SEMA3D: variants seen among roughly 807,000 people sequenced by gnomAD.
SEMA3D encodes the protein semaphorin 3D.
Under a neutral mutation model 100.1 loss-of-function variants are expected in SEMA3D, and 84 were observed. The ratio of observed to expected loss-of-function variants is 0.84; its 90% confidence interval spans 0.70 to 1.01. The LOEUF (loss-of-function observed/expected upper bound fraction) is 1.01. SEMA3D is among the 50% of genes least tolerant of loss of function. The pLI, the probability that SEMA3D is intolerant of heterozygous loss-of-function variation, is 0.00. For synonymous variants in SEMA3D, 312 were observed against 320.7 expected, an observed-to-expected ratio of 0.97 and a Z score of 0.29; for missense variants, 875 against 934.1, an observed-to-expected ratio of 0.94 and a Z score of 0.82.
At chr7:85,066,033 A>T (rs150776416) in intron 7 of SEMA3D, among the ~76,000 whole-genome samples, 29 of 152,352 alleles carry the variant, frequency 1.9e-4, no homozygotes, top group African/African-American at 6.7e-4. Flanking sequence ...GGGAGCTTTC[A>T]GCACTGAAGT....
the SEMA3D span, among the ~76,000 whole-genome samples, chr7:85,224,535 G>C: frequency 2.0e-5 from 3 of 149,124 alleles, no homozygotes; most frequent in African/African-American, 7.8e-5. Flanking sequence ...GTCAAAAAAA[G>C]TTGTGTAAAA....
chr7:85,218,214 A>G, the SEMA3D span, among the ~76,000 whole-genome samples: 2 of 152,098 alleles, frequency 1.3e-5, no homozygotes, highest in Non-Finnish European at 2.9e-5. Context: ...GCAGGAAACT[A>G]TATGGTCTAC....
chr7:85,225,330 CCTCT>C, the SEMA3D span, among the ~76,000 whole-genome samples: 1 of 150,066 alleles, frequency 6.7e-6, no homozygotes, highest in African/African-American at 2.4e-5. Context: ...CCTTCTCCTT[CCTCT>C]CTCTCTCTTC....
chr7:85,246,516 G>C, the SEMA3D span, among the ~76,000 whole-genome samples: 75 of 151,938 alleles, frequency 4.9e-4, no homozygotes, highest in Middle Eastern at 0.01. Flanking sequence ...GAATGACACA[G>C]ATATATGTGA....
chr7:85,186,126 C>G (rs181772379), intron 1 of SEMA3D, among the ~76,000 whole-genome samples: 3 of 152,332 alleles, frequency 2.0e-5, no homozygotes, highest in Admixed American at 6.5e-5. Flanking sequence ...CACCACGCTT[C>G]CCTTCCTTCT....
rs1198462147 is a variant in SEMA3D, at chr7:85,006,943, T to C, written c.1769-2A>G. 1.2e-6 allele frequency: 2 copies of C among 1,608,080 alleles called. No homozygotes were observed. Among genetic ancestry groups the C allele is most frequent in the South Asian group, 2.2e-5 (2 of 90,610 alleles). On this transcript the variant is annotated splice_acceptor_variant, in intron 17 of 18. Transcript: ENST00000284136. LOFTEE classifies it high-confidence loss of function. ...CATCAGCAGTTTCATGACTAATGCCTGGAAAGCAAACATGGAATAAGAGAT... is the reference window on the plus strand; with the variant it reads ...CATCAGCAGTTTCATGACTAATGCCCGGAAAGCAAACATGGAATAAGAGAT...
chr7:85,180,886 T>A (rs1210209603), intron 1 of SEMA3D, among the ~76,000 whole-genome samples: 4 of 152,170 alleles, frequency 2.6e-5, no homozygotes, highest in Non-Finnish European at 5.9e-5. Flanking sequence ...TTGGTTTCGT[T>A]CATTTGCGCG....
intron 2 of SEMA3D, among the ~76,000 whole-genome samples, chr7:85,124,567 T>A (rs1213930468): frequency 6.6e-6 from 1 of 151,992 alleles, no homozygotes; most frequent in African/African-American, 2.4e-5. Context: ...TATGATACGC[T>A]ATGCAAGATA....
At chr7:85,062,535 G>A (rs1006465515) in intron 8 of SEMA3D, among the ~76,000 whole-genome samples, 7 of 152,082 alleles carry the variant, frequency 4.6e-5, no homozygotes, top group Admixed American at 4.6e-4. Context: ...AGTTAGGAAA[G>A]TTAAAATAGA....
At chr7:85,222,486 GT>G in the SEMA3D span, among the ~76,000 whole-genome samples, 1 of 152,096 alleles carries the variant, frequency 6.6e-6, no homozygotes, top group Admixed American at 6.6e-5. Flanking sequence ...TCCCACTATG[GT>G]TTTTGTTTTA....
chr7:85,140,560 T>A (rs1443978996), intron 2 of SEMA3D: 1 of 978,928 alleles, frequency 1.0e-6, no homozygotes, highest in Non-Finnish European at 1.2e-6. Flanking sequence ...GTCCAACATT[T>A]TATAGCAGAG....
At chr7:85,185,766 C>T (rs1439236787) in intron 1 of SEMA3D, among the ~76,000 whole-genome samples, 2 of 152,186 alleles carry the variant, frequency 1.3e-5, no homozygotes, top group African/African-American at 4.8e-5. Context: ...GAAGGAGAAA[C>T]AGTGCCGAAA....
intron 7 of SEMA3D, among the ~76,000 whole-genome samples, chr7:85,065,762 A>C (rs1359749249): frequency 6.6e-6 from 1 of 152,224 alleles, no homozygotes; most frequent in Non-Finnish European, 1.5e-5. Context: ...GAATACTTGA[A>C]TATAAACAGG....
intron 1 of SEMA3D, among the ~76,000 whole-genome samples, chr7:85,182,669 G>A (rs1791438699): frequency 6.6e-6 from 1 of 152,180 alleles, no homozygotes; most frequent in African/African-American, 2.4e-5. Flanking sequence ...GTTTCCTGGA[G>A]AAAGGGAATT....
In SEMA3D at chr7:85,051,872, G is replaced by A. The variant is rs138384274; in HGVS notation, c.861+3845C>T. Among the ~76,000 whole-genome samples, 626 of 151,910 alleles carry A rather than the reference G, an allele frequency of 4.1e-3. 5 individuals are homozygous for A. Among genetic ancestry groups the A allele is most frequent in the African/African-American group, 0.015 (602 of 41,478 alleles). On this transcript the variant is annotated intron_variant, in intron 9 of 18. Coordinates refer to ENST00000284136, the MANE Select transcript of SEMA3D (RefSeq NM_001384900.1). ...AAAAGGGTACTTGTCTACAGGGTAG[G>A]TATCAAAATCTCTATGATAGGAGCA... is the stretch of plus-strand genomic sequence containing the variant.
chr7:84,997,390 A>G lies in SEMA3D; in HGVS notation c.*2050T>C, dbSNP rs1401348327. The stretch of plus-strand genomic sequence containing the variant: ...TGGAATATTTTGTCCAAGCAAATCT[A>G]TAATTACAAACACTGTTGTTACGCT... On this transcript the variant is annotated 3_prime_UTR_variant, in exon 19 of 19. Coordinates refer to ENST00000284136, the MANE Select transcript of SEMA3D (RefSeq NM_001384900.1). 2.0e-5 allele frequency: 3 copies of G among 152,090 alleles called. No homozygotes were observed. 9.4% of individuals were successfully genotyped at this position (152,090 alleles called of 1,614,324 possible).
intron 4 of SEMA3D, 26 bp downstream of exon 4, chr7:85,097,779 C>T (rs981695367): frequency 2.2e-6 from 3 of 1,367,600 alleles, no homozygotes; most frequent in Non-Finnish European, 3.0e-6. Flanking sequence ...ATGAATTTAA[C>T]CAAATGTATA....
At chr7:85,140,587 A>G (rs1284237628) in intron 2 of SEMA3D, 5 of 926,172 alleles carry the variant, frequency 5.4e-6, no homozygotes, top group Non-Finnish European at 6.4e-6. Context: ...CTATATCTAT[A>G]TCTATATATC....
At chr7:85,207,055 A>G in the SEMA3D span, among the ~76,000 whole-genome samples, 1 of 152,126 alleles carries the variant, frequency 6.6e-6, no homozygotes, top group Admixed American at 6.6e-5. Flanking sequence ...ATGGAAAATC[A>G]GTAATTGTTA....
Sources: allele counts gnomAD v4.1 joint callset (sites outside exome capture counted in the v4.1 genomes callset), GRCh38; gene constraint gnomAD v4.1.1; transcripts MANE v1.5; gene names NCBI Gene and HGNC (gene_info 2026-07-23, HGNC 2026-07-21).